The following RIMS1 variants were observed in gnomAD, a reference collection of about 807,000 sequenced individuals.
RIMS1 encodes regulating synaptic membrane exocytosis 1, also known as regulating synaptic membrane exocytosis protein 1.
Under a neutral mutation model 214.1 loss-of-function variants are expected in RIMS1, and 83 were observed. The observed-to-expected ratio is 0.39, with a 90% CI of 0.32 to 0.47. RIMS1 has a LOEUF of 0.47. Among genes scored for constraint, RIMS1 ranks in the 20% least tolerant of loss-of-function variants. The probability of loss-of-function intolerance (pLI) is 0.99; values close to 1 mark genes in which losing one functional copy is unlikely to be tolerated. For missense variants in RIMS1, 2,050 were observed against 2,161.8 expected (o/e 0.95, Z 1.03); for synonymous variants, 793 against 786.8 (o/e 1.01, Z -0.13).
At chr6:72,143,924 T>C (rs2042384322) in intron 4 of RIMS1, among the ~76,000 whole-genome samples, 1 of 152,158 alleles carries the variant, frequency 6.6e-6, no homozygotes, top group Non-Finnish European at 1.5e-5. Flanking sequence ...ATATGTATCC[T>C]GGAATTGGTG....
chr6:71,892,856 C>A (rs1313129948), intron 1 of RIMS1, among the ~76,000 whole-genome samples: 4 of 152,024 alleles, frequency 2.6e-5, no homozygotes, highest in African/African-American at 9.7e-5. Flanking sequence ...CTGCCGTAGT[C>A]AGAAAAAGAG....
intron 2 of RIMS1, among the ~76,000 whole-genome samples, chr6:72,006,116 AG>A (rs912874756): frequency 2.6e-5 from 4 of 152,162 alleles, no homozygotes; most frequent in African/African-American, 9.7e-5. Context: ...AGAGAGCGGA[AG>A]CAAACTCTCA....
chr6:72,339,636 A>T (rs1233903837), intron 29 of RIMS1, among the ~76,000 whole-genome samples: 2 of 152,062 alleles, frequency 1.3e-5, no homozygotes, highest in Non-Finnish European at 2.9e-5. Flanking sequence ...ATGGCTGCAT[A>T]GTATTCCATG....
At chr6:72,205,469 AG>A (rs2052744750) in intron 6 of RIMS1, among the ~76,000 whole-genome samples, 1 of 152,190 alleles carries the variant, frequency 6.6e-6, no homozygotes, top group African/African-American at 2.4e-5. Flanking sequence ...GTTAGAAATT[AG>A]GGACTTTGGG....
intron 2 of RIMS1, among the ~76,000 whole-genome samples, chr6:72,022,299 G>A (rs184287248): frequency 1.3e-5 from 2 of 152,214 alleles, no homozygotes; most frequent in Admixed American, 1.3e-4. Flanking sequence ...ATGCTGCAGG[G>A]GTATCTTAGC....
At chr6:71,921,591 G>A (rs1304403870) in intron 1 of RIMS1, among the ~76,000 whole-genome samples, 1 of 152,146 alleles carries the variant, frequency 6.6e-6, no homozygotes, top group Non-Finnish European at 1.5e-5. Flanking sequence ...TGGCCTTACA[G>A]GAAGTTTGCC....
At chr6:71,995,379 T>G (rs1203145185) in intron 2 of RIMS1, among the ~76,000 whole-genome samples, 1 of 152,076 alleles carries the variant, frequency 6.6e-6, no homozygotes, top group Non-Finnish European at 1.5e-5. Flanking sequence ...TATCCCCTTT[T>G]ACAGTGATGC....
chr6:72,198,340 ATC>A (rs1220104670), intron 6 of RIMS1, among the ~76,000 whole-genome samples: 1,334 of 16,420 alleles, frequency 0.081, 23 homozygotes, highest in African/African-American at 0.31. Flanking sequence ...AATAATAATC[ATC>A]ATCATCATCT....
intron 4 of RIMS1, among the ~76,000 whole-genome samples, chr6:72,144,176 T>C (rs2042415457): frequency 6.6e-6 from 1 of 152,236 alleles, no homozygotes. Flanking sequence ...TAAGTGTTAT[T>C]CAAGCAGTTG....
At chr6:72,118,673 A>G (rs2037589390) in intron 4 of RIMS1, among the ~76,000 whole-genome samples, 1 of 151,744 alleles carries the variant, frequency 6.6e-6, no homozygotes, top group Admixed American at 6.6e-5. Flanking sequence ...TTTTAACATA[A>G]GCAGGTCAAT....
intron 29 of RIMS1, among the ~76,000 whole-genome samples, chr6:72,341,022 G>A (rs937487251): frequency 2.0e-5 from 3 of 151,874 alleles, no homozygotes; most frequent in South Asian, 2.1e-4. Context: ...TGGATTCCTA[G>A]GTATTTTATT....
chr6:71,940,547 G>T (rs1189119392), intron 1 of RIMS1, among the ~76,000 whole-genome samples: 1 of 152,206 alleles, frequency 6.6e-6, no homozygotes, highest in African/African-American at 2.4e-5. Context: ...GTACTGTGCA[G>T]AGTTAAATGG....
intron 2 of RIMS1, among the ~76,000 whole-genome samples, chr6:72,079,050 G>A (rs1209930653): frequency 6.6e-6 from 1 of 152,106 alleles, no homozygotes; most frequent in Non-Finnish European, 1.5e-5. Flanking sequence ...AAAGCCCTAA[G>A]AGTTGGAGCT....
intron 6 of RIMS1, among the ~76,000 whole-genome samples, chr6:72,202,581 T>C (rs1167900456): frequency 2.0e-5 from 3 of 152,148 alleles, no homozygotes; most frequent in Non-Finnish European, 4.4e-5. Flanking sequence ...ACAGATGAGT[T>C]TGGAGGGGGA....
At chr6:72,139,842 G>A (rs190404600) in intron 4 of RIMS1, among the ~76,000 whole-genome samples, 12 of 152,128 alleles carry the variant, frequency 7.9e-5, no homozygotes, top group East Asian at 3.9e-4. Context: ...AATTCAGGAA[G>A]CATGTTTTTA....
At chr6:72,010,442 C>A (rs1809985983) in intron 2 of RIMS1, among the ~76,000 whole-genome samples, 2 of 152,346 alleles carry the variant, frequency 1.3e-5, no homozygotes, top group African/African-American at 4.8e-5. Context: ...CCCTCTCTCA[C>A]AGCTCCTATT....
intron 28 of RIMS1, among the ~76,000 whole-genome samples, chr6:72,332,973 G>A (rs935497307): frequency 1.3e-5 from 2 of 151,836 alleles, no homozygotes; most frequent in Non-Finnish European, 2.9e-5. Context: ...GAAATGAGAT[G>A]AAGAAGTTTG....
intron 2 of RIMS1, among the ~76,000 whole-genome samples, chr6:71,977,058 CGG>C (rs1797339771): frequency 6.6e-6 from 1 of 152,082 alleles, no homozygotes; most frequent in Non-Finnish European, 1.5e-5. Context: ...CCTACAATAG[CGG>C]ATGGCAGAAA....
intron 4 of RIMS1, among the ~76,000 whole-genome samples, chr6:72,106,083 G>T (rs1322501831): frequency 6.6e-6 from 1 of 151,994 alleles, no homozygotes; most frequent in Non-Finnish European, 1.5e-5. Context: ...CCTTACTAAG[G>T]CATTTAACAA....
Sources: gnomAD v4.1 joint callset for allele counts (sites outside exome capture counted in the v4.1 genomes callset) on GRCh38, gnomAD v4.1.1 for gene constraint, MANE v1.5 for transcripts, NCBI Gene and HGNC (gene_info 2026-07-23, HGNC 2026-07-21) for gene names.